TDRD5: variants seen among roughly 807,000 people sequenced by gnomAD.
TDRD5 encodes tudor domain-containing protein 5.
In TDRD5, 41 loss-of-function variants were observed where a neutral mutation model predicts 120.6. That is an observed-to-expected ratio of 0.34 (90% CI 0.26 to 0.44). The LOEUF (loss-of-function observed/expected upper bound fraction) is 0.44, where lower values mean the gene tolerates loss of function less well. Among genes scored for constraint, TDRD5 ranks in the 20% least tolerant of loss-of-function variants. The pLI, the probability that TDRD5 is intolerant of heterozygous loss-of-function variation, is 1.00. For synonymous variants in TDRD5, 430 were observed against 433.7 expected, an observed-to-expected ratio of 0.99 and a Z score of 0.11; for missense variants, 1,006 against 1,221.2, an observed-to-expected ratio of 0.82 and a Z score of 2.63.
At chr1:179,664,400 C>T (rs1013927951) in intron 16 of TDRD5, among the ~76,000 whole-genome samples, 1 of 152,020 alleles carries the variant, frequency 6.6e-6, no homozygotes, top group Non-Finnish European at 1.5e-5. Flanking sequence ...GCTATCACTA[C>T]AGTCTATTTT....
At position 179,689,716 on chromosome 1, in the gene TDRD5, T is replaced by G. The variant is rs117930012; in HGVS notation, c.2861-980T>G. Among the ~76,000 whole-genome samples, 1,383 of 152,274 alleles carry G rather than the reference T, an allele frequency of 9.1e-3. 49 individuals carry two copies. The highest frequency in any genetic ancestry group is 0.064 in the East Asian group (329 of 5,180). On this transcript the variant is annotated intron_variant, in intron 17 of 17. Coordinates refer to ENST00000444136, the MANE Select transcript of TDRD5 (RefSeq NM_001199085.3). ...TGGGCTCCACTCAATTCGAGCTTCC[T>G]GGCTACTTTGGTTACCTACTCAAAC...
At chr1:179,641,522 A>T (rs1475850962) in intron 11 of TDRD5, among the ~76,000 whole-genome samples, 1 of 151,554 alleles carries the variant, frequency 6.6e-6, no homozygotes, top group South Asian at 2.1e-4. Flanking sequence ...AAAGAGCGAA[A>T]CTCCGTCTCA....
intron 9 of TDRD5, 141 bp from the exon 10 acceptor site, chr1:179,639,698 A>G (rs1420012391): frequency 6.7e-6 from 5 of 749,124 alleles, no homozygotes; most frequent in Non-Finnish European, 8.6e-6. Context: ...ATTAATTGGT[A>G]TTAATGAGCA....
At chr1:179,668,605 CCT>C (rs1679678285) in intron 16 of TDRD5, among the ~76,000 whole-genome samples, 1 of 152,096 alleles carries the variant, frequency 6.6e-6, no homozygotes, top group African/African-American at 2.4e-5. Context: ...GTGCCCTGCC[CCT>C]CTTTCCCAGC....
chr1:179,607,814 TA>T (rs1676056622), intron 4 of TDRD5, among the ~76,000 whole-genome samples: 1 of 151,910 alleles, frequency 6.6e-6, no homozygotes, highest in Non-Finnish European at 1.5e-5. Flanking sequence ...ACTAAAATAT[TA>T]AAAACATAAA....
At chr1:179,661,962 A>G in intron 14 of TDRD5, 142 bp from the exon 15 acceptor site, 1 of 725,306 alleles carries the variant, frequency 1.4e-6, no homozygotes, top group Non-Finnish European at 2.0e-6. Context: ...TTTTGGTGGC[A>G]TTTCAGAAGG....
rs374262317 is a variant in TDRD5, at chr1:179,593,695, A to G, written c.468A>G (p.Ala156=). Residue 156 remains alanine (A), a synonymous_variant, in exon 3 of 18, where the codon GCA becomes GCG. Coordinates refer to ENST00000444136, the MANE Select transcript of TDRD5 (RefSeq NM_001199085.3). ...TTCTTCTTTCTGATTTTGAAAAGGCATTTGCCAAAAGATTTGGACGATCAT... is the reference window on the plus strand; with the variant it reads ...TTCTTCTTTCTGATTTTGAAAAGGCGTTTGCCAAAAGATTTGGACGATCAT... The part of the protein sequence containing the change: ...SPVLLSDFEK[A]FAKRFGRSFQ... 1 of 1,614,234 alleles carries G rather than the reference A, an allele frequency of 6.2e-7. No homozygotes were observed. The highest frequency in any genetic ancestry group is 1.1e-5 in the South Asian group (1 of 91,086).
chr1:179,613,981 G>A (rs2101953434), intron 4 of TDRD5, among the ~76,000 whole-genome samples: 1 of 152,298 alleles, frequency 6.6e-6, no homozygotes, highest in Non-Finnish European at 1.5e-5. Context: ...CATCTGAGAT[G>A]TGACTTCTGT....
chr1:179,629,980 C>CTTTTTT (rs34963950), intron 6 of TDRD5, among the ~76,000 whole-genome samples: 1 of 139,410 alleles, frequency 7.2e-6, no homozygotes, highest in African/African-American at 2.6e-5. Context: ...TTTATTCCAA[C>CTTTTTT]TTTTTTTTTT....
At chr1:179,594,947 G>C (rs189924072) in intron 3 of TDRD5, among the ~76,000 whole-genome samples, 8 of 152,312 alleles carry the variant, frequency 5.3e-5, no homozygotes, top group African/African-American at 1.9e-4. Context: ...ATTGAATAGT[G>C]GGGGGTGAAT....
intron 14 of TDRD5, among the ~76,000 whole-genome samples, chr1:179,658,174 A>G (rs971855522): frequency 4.1e-4 from 63 of 152,160 alleles, no homozygotes; most frequent in Non-Finnish European, 2.5e-4. Context: ...CCTTCTTTTT[A>G]AAGGTTGAAT....
chr1:179,634,040 G>A (rs1360200989), intron 7 of TDRD5, among the ~76,000 whole-genome samples: 2 of 151,698 alleles, frequency 1.3e-5, no homozygotes, highest in East Asian at 1.9e-4. Flanking sequence ...GCATGGTGGC[G>A]GGTGCCTGTA....
intron 4 of TDRD5, among the ~76,000 whole-genome samples, chr1:179,613,000 A>G (rs1218021225): frequency 2.6e-5 from 4 of 151,878 alleles, no homozygotes; most frequent in Non-Finnish European, 5.9e-5. Context: ...TGTCTTACAG[A>G]TTCAAGACCT....
At chr1:179,688,716 C>G (rs1023116761) in intron 17 of TDRD5, among the ~76,000 whole-genome samples, 4 of 152,236 alleles carry the variant, frequency 2.6e-5, no homozygotes, top group Non-Finnish European at 1.5e-5. Flanking sequence ...TCACATAGTC[C>G]CATATTTCTT....
chr1:179,635,688 G>C lies in TDRD5; in HGVS notation c.1321G>C (p.Glu441Gln), dbSNP rs746856672. Reference protein sequence around the residue: ...LQLQVETNKSELNLAMANHDI... With the variant: ...LQLQVETNKSQLNLAMANHDI... The stretch of plus-strand genomic sequence containing the variant: ...ATAGCAAGTAGAAACAAACAAATCA[G>C]AGCTCAACTTGGCAATGGCAAATCA... Residue 441 changes from glutamate (E) to glutamine (Q), a missense_variant, in exon 9 of 18, where the codon GAG (glutamate) becomes CAG (glutamine). By Grantham distance (29) the Glu-to-Gln change is conservative. This residue lies in a region of TDRD5 where 445 missense variants were observed against 515.5 expected (regional missense o/e 0.86). Coordinates refer to ENST00000444136, the MANE Select transcript of TDRD5 (RefSeq NM_001199085.3). 2 of 1,613,704 alleles carry C rather than the reference G, an allele frequency of 1.2e-6. No individual in the cohort carries two copies. The highest frequency in any genetic ancestry group is 1.7e-6 in the Non-Finnish European group (2 of 1,179,930).
At position 179,630,769 on chromosome 1, in the gene TDRD5, AATT is replaced by A; in HGVS notation, c.976_978del (p.Ile326del). On this transcript the variant is annotated inframe_deletion, in exon 7 of 18. Coordinates refer to ENST00000444136, the MANE Select transcript of TDRD5 (RefSeq NM_001199085.3). Reference sequence around the variant, plus strand: ...TAATTTCTATTTTCTTGTGACAGGTAATTTTTAAAGAGCAACTATCACCAAAAA... The same window carrying A: ...TAATTTCTATTTTCTTGTGACAGGTATTTAAAGAGCAACTATCACCAAAAA... The A allele has an allele frequency of 6.2e-7, 1 of 1,612,668 alleles. No homozygotes were observed. The highest frequency in any genetic ancestry group is 8.5e-7 in the Non-Finnish European group (1 of 1,179,564).
intron 17 of TDRD5, among the ~76,000 whole-genome samples, chr1:179,673,969 C>G (rs1679985686): frequency 6.6e-6 from 1 of 152,002 alleles, no homozygotes; most frequent in African/African-American, 2.4e-5. Context: ...TTAGGGTTTT[C>G]TAGGTATACA....
chr1:179,601,723 T>C (rs7514875), intron 4 of TDRD5, among the ~76,000 whole-genome samples: 141,411 of 152,290 alleles, frequency 0.93, 66,268 homozygotes, highest in Non-Finnish European at 0.99. Flanking sequence ...CTGCTATAAA[T>C]GTGCATCTGC....
intron 4 of TDRD5, among the ~76,000 whole-genome samples, chr1:179,597,621 C>T (rs1049117072): frequency 5.9e-5 from 9 of 152,122 alleles, no homozygotes; most frequent in Admixed American, 1.3e-4. Flanking sequence ...TGAGCCACCA[C>T]GCCTGGCCCA....
Sources: gnomAD v4.1 joint callset for allele counts (sites outside exome capture counted in the v4.1 genomes callset) on GRCh38, gnomAD v4.1.1 for gene constraint, gnomAD v4.1.1 regional missense constraint, MANE v1.5 for transcripts, NCBI Gene and HGNC (gene_info 2026-07-23, HGNC 2026-07-21) for gene names.